Variants in GOPC observed in about 807,000 individuals in gnomAD.
GOPC encodes the protein Golgi-associated PDZ and coiled-coil motif-containing protein.
GOPC carries 32 observed loss-of-function variants against 51.2 expected under a neutral mutation model. The ratio of observed to expected loss-of-function variants is 0.63; its 90% CI spans 0.47 to 0.84. The LOEUF is 0.84. Ranked by LOEUF, GOPC falls within the 40% of genes least tolerant of loss-of-function variation. GOPC has a pLI of 0.00. For synonymous variants in GOPC, 190 were observed against 205.1 expected (o/e 0.93, Z 0.63); for missense variants, 441 against 555.5 (o/e 0.79, Z 2.07).
Position 117,575,076 on chromosome 6 carries a change from C to G in GOPC, c.650+101G>C, listed in dbSNP as rs544268002. On this transcript the variant is annotated intron_variant, in intron 4 of 8. Coordinates refer to ENST00000368498, the MANE Select transcript of GOPC (RefSeq NM_020399.4). ...CCTGGGCAACAGAGCAAGACTCCATCTCAAAAAAATAAAAAATAAAAAAAG... is the reference window on the plus strand; with the variant it reads ...CCTGGGCAACAGAGCAAGACTCCATGTCAAAAAAATAAAAAATAAAAAAAG... The G allele has an allele frequency of 4.2e-6, 4 of 954,326 alleles. No individual in the cohort carries two copies. The African/African-American group carries it at 6.7e-5, about 16-fold the overall frequency. 59.1% of individuals were successfully genotyped at this position (954,326 alleles called of 1,614,324 possible).
chr6:117,570,393 T>G (rs1357406467), intron 6 of GOPC, among the ~76,000 whole-genome samples: 4 of 151,972 alleles, frequency 2.6e-5, no homozygotes, highest in African/African-American at 9.7e-5. Flanking sequence ...ATTAAAGCAC[T>G]GAGATGACAA....
chr6:117,563,899 G>C (rs1038039487), intron 8 of GOPC, among the ~76,000 whole-genome samples: 2 of 150,910 alleles, frequency 1.3e-5, no homozygotes, highest in African/African-American at 4.9e-5. Context: ...ATCAAATATT[G>C]TACAGATTTA....
intron 1 of GOPC, among the ~76,000 whole-genome samples, chr6:117,585,848 C>G (rs1049923308): frequency 6.6e-6 from 1 of 152,162 alleles, no homozygotes; most frequent in South Asian, 2.1e-4. Context: ...CAAACAGGAA[C>G]AGATGCAGGT....
chr6:117,596,229 C>T (rs1044296775), intron 1 of GOPC, among the ~76,000 whole-genome samples: 2 of 151,954 alleles, frequency 1.3e-5, no homozygotes, highest in Admixed American at 6.6e-5. Context: ...CCCTAGCCCT[C>T]TTTTTGATGG....
intron 4 of GOPC, among the ~76,000 whole-genome samples, chr6:117,574,549 T>C (rs1400572070): frequency 6.6e-6 from 1 of 152,188 alleles, no homozygotes; most frequent in South Asian, 2.1e-4. Flanking sequence ...CTGCTATGCA[T>C]GTGAATATCG....
At chr6:117,601,848 C>A (rs1399389931) in intron 1 of GOPC, among the ~76,000 whole-genome samples, 156 bp downstream of exon 1, 1 of 152,146 alleles carries the variant, frequency 6.6e-6, no homozygotes, top group Non-Finnish European at 1.5e-5. Context: ...TTTTGTCCCC[C>A]ACCCTCACCT....
chr6:117,585,565 T>G (rs1274172584), intron 1 of GOPC, among the ~76,000 whole-genome samples: 1 of 152,214 alleles, frequency 6.6e-6, no homozygotes. Context: ...TTATGTGAGA[T>G]GCCCCAAATT....
chr6:117,595,854 T>C (rs911073627), intron 1 of GOPC, among the ~76,000 whole-genome samples: 4 of 152,204 alleles, frequency 2.6e-5, no homozygotes, highest in Non-Finnish European at 4.4e-5. Flanking sequence ...GTTGTGCTAG[T>C]ATAAACATGT....
intron 7 of GOPC, among the ~76,000 whole-genome samples, chr6:117,569,297 C>A (rs994301496): frequency 6.6e-6 from 1 of 152,136 alleles, no homozygotes; most frequent in Non-Finnish European, 1.5e-5. Flanking sequence ...CATACTTAAT[C>A]CTCACAGCTT....
At position 117,575,250 on chromosome 6, in the gene GOPC, TA is replaced by T; in HGVS notation, c.576del (p.His192GlnfsTer2). 6.2e-7 allele frequency: 1 copy of T among 1,613,722 alleles called. No individual in the cohort carries two copies. Among genetic ancestry groups the T allele is most frequent in the Non-Finnish European group, 8.5e-7 (1 of 1,179,720 alleles). ...LRKENEALRR[H>X]IAVLQAEVYG... ...TATACTTCAGCCTGGAGAACAGCTA[TA>T]TGTCTACGAAGGGCTTCATTCTCTT... On this transcript the variant is annotated frameshift_variant, in exon 4 of 9. Coordinates refer to ENST00000368498, the MANE Select transcript of GOPC (RefSeq NM_020399.4). LOFTEE classifies it high-confidence loss of function.
Position 117,563,259 on chromosome 6 carries a change from A to G in GOPC, c.1384T>C (p.Tyr462His). The G allele has an allele frequency of 6.2e-7, 1 of 1,612,634 alleles. No individual in the cohort carries two copies. ...DLHTLYHKKS[Y>H] The stretch of plus-strand genomic sequence containing the variant: ...TGTCTGGAGATATGGTCAATTTAAT[A>G]AGATTTTTTATGATACAGAGTGTGC... Residue 462 changes from tyrosine (Y) to histidine (H), a missense_variant, in exon 9 of 9, where the codon TAT becomes CAT. Coordinates refer to ENST00000368498, the MANE Select transcript of GOPC (RefSeq NM_020399.4).
intron 1 of GOPC, among the ~76,000 whole-genome samples, chr6:117,595,772 C>T (rs1301468247): frequency 6.6e-6 from 1 of 152,076 alleles, no homozygotes; most frequent in Non-Finnish European, 1.5e-5. Context: ...TGTATATATA[C>T]ACACCACATT....
In GOPC at chr6:117,575,259, G is replaced by A. The variant is rs752823444; in HGVS notation, c.568C>T (p.Arg190Cys). 3.3e-5 allele frequency: 54 copies of A among 1,613,280 alleles called. No homozygotes were observed. Among genetic ancestry groups the A allele is most frequent in the Non-Finnish European group, 4.2e-5 (50 of 1,179,540 alleles). ...KLLRKENEAL[R>C]RHIAVLQAEV... ...GCCTGGAGAACAGCTATATGTCTAC[G>A]AAGGGCTTCATTCTCTTTTCTCAAC... Residue 190 changes from arginine to cysteine, a missense_variant, in exon 4 of 9, where the codon CGT becomes TGT. By Grantham distance (180) the Arg-to-Cys change is radical (BLOSUM62 -3). Coordinates refer to ENST00000368498, the MANE Select transcript of GOPC (RefSeq NM_020399.4).
chr6:117,570,839 A>G, intron 6 of GOPC, 21 bp downstream of exon 6: 3 of 1,153,364 alleles, frequency 2.6e-6, no homozygotes, highest in Non-Finnish European at 3.8e-6. Flanking sequence ...AGAAAATGAT[A>G]CTGGAAGTAC....
intron 1 of GOPC, among the ~76,000 whole-genome samples, chr6:117,588,437 A>G (rs1780064287): frequency 6.6e-6 from 1 of 152,050 alleles, no homozygotes; most frequent in South Asian, 2.1e-4. Context: ...CACCACGCCC[A>G]GCTAATTTTT....
chr6:117,578,279 T>C lies in GOPC; in HGVS notation c.450+621A>G, dbSNP rs78620057. 8.0e-4 allele frequency among the ~76,000 whole-genome samples: 122 copies of C among 152,268 alleles called. 1 individual carries two copies. In the East Asian group the frequency reaches 0.019, roughly 23 times the overall value. On this transcript the variant is annotated intron_variant, in intron 2 of 8. Transcript: ENST00000368498. The stretch of plus-strand genomic sequence containing the variant: ...CAGCTGGGGATGGTCAATGAAATGC[T>C]GGCAAAAATTACTGAGAAAGATTTA...
chr6:117,594,504 A>G (rs1780163978), intron 1 of GOPC, among the ~76,000 whole-genome samples: 1 of 152,016 alleles, frequency 6.6e-6, no homozygotes, highest in African/African-American at 2.4e-5. Context: ...TATAATCCAA[A>G]CTCCATAAAA....
At chr6:117,590,984 C>T (rs1207036936) in intron 1 of GOPC, among the ~76,000 whole-genome samples, 1 of 152,166 alleles carries the variant, frequency 6.6e-6, no homozygotes, top group African/African-American at 2.4e-5. Context: ...TCCCGAGTAG[C>T]TGGGATTACA....
Position 117,590,571 on chromosome 6 carries a change from C to CAA in GOPC, c.285+11431_285+11432dup, listed in dbSNP as rs563071906. Among the ~76,000 whole-genome samples the CAA allele has an allele frequency of 9.7e-3, 667 of 68,960 alleles. 4 individuals carry two copies. Among genetic ancestry groups the CAA allele is most frequent in the South Asian group, 0.013 (21 of 1,618 alleles). 45.2% of individuals were successfully genotyped at this position (68,960 alleles called of 152,430 possible). A position where few individuals can be genotyped will look rare whatever the true frequency, so the allele number is the denominator to read the frequency against. On this transcript the variant is annotated intron_variant, in intron 1 of 8. Coordinates refer to ENST00000368498, the MANE Select transcript of GOPC (RefSeq NM_020399.4). Reference sequence around the variant, plus strand: ...TGGGCAACAGAGTGGGACCCTGTCTCAAAAAAAAAAAAAAAAAAAAAAGAT... The same window carrying CAA: ...TGGGCAACAGAGTGGGACCCTGTCTCAAAAAAAAAAAAAAAAAAAAAAAAGAT...
Sources: allele counts gnomAD v4.1 joint callset (sites outside exome capture counted in the v4.1 genomes callset), GRCh38; gene constraint gnomAD v4.1.1; transcripts MANE v1.5; gene names NCBI Gene and HGNC (gene_info 2026-07-23, HGNC 2026-07-21).